The following NCAM1 variants were observed in gnomAD, a reference collection of about 807,000 sequenced individuals.
NCAM1 encodes the protein neural cell adhesion molecule 1.
NCAM1 carries 14 observed loss-of-function variants against 109.8 expected under a neutral mutation model. The ratio of observed to expected loss-of-function variants is 0.13; its 90% CI spans 0.08 to 0.20. The LOEUF (loss-of-function observed/expected upper bound fraction) is 0.20. NCAM1 is among the 10% of genes least tolerant of loss of function. The probability of loss-of-function intolerance (pLI) is 1.00; values close to 1 mark genes in which losing one functional copy is unlikely to be tolerated. For synonymous variants in NCAM1, 418 were observed against 442.9 expected, an observed-to-expected ratio of 0.94 and a Z score of 0.70; for missense variants, 774 against 1,109.9, an observed-to-expected ratio of 0.70 and a Z score of 4.30.
At position 113,015,343 on chromosome 11, in the gene NCAM1, C is replaced by CT. The variant is rs1307993667; in HGVS notation, c.52+53682dup. ...CCAAGGCAGCTTCCTTCAGCAAGAG[C>CT]TTTGGACATAGACCTGATTGACACA... On this transcript the variant is annotated intron_variant, in intron 1 of 19. Transcript: ENST00000316851. Among the ~76,000 whole-genome samples, 3 of 152,306 alleles carry CT rather than the reference C, an allele frequency of 2.0e-5. No individual in the cohort carries two copies. The East Asian group carries it at 5.8e-4, about 29-fold the overall frequency.
In NCAM1 at chr11:113,240,542, G is replaced by A. The variant is rs576873929; in HGVS notation, c.1825+5378G>A. ...GTTTGAGGCTTGTGCAGCTGTTCCT[G>A]GCCCAGACTTTACCTGAACTGCAGG... On this transcript the variant is annotated intron_variant, in intron 14 of 19. Transcript: ENST00000316851. The A allele has an allele frequency of 5.8e-4, 309 of 528,218 alleles. 3 individuals carry two copies. The South Asian group carries it at 8.4e-3, about 14-fold the overall frequency. The allele number at this position is 528,218 out of a possible 1,614,324, so 32.7% of individuals were successfully genotyped here.
At chr11:113,123,475 C>G (rs782796563) in intron 1 of NCAM1, among the ~76,000 whole-genome samples, 1 of 152,196 alleles carries the variant, frequency 6.6e-6, no homozygotes, top group Non-Finnish European at 1.5e-5. Context: ...CACTCTTACT[C>G]TGTTCTTCTT....
At chr11:113,110,867 T>G (rs921018823) in intron 1 of NCAM1, among the ~76,000 whole-genome samples, 1 of 152,132 alleles carries the variant, frequency 6.6e-6, no homozygotes, top group Non-Finnish European at 1.5e-5. Context: ...TTGGGATACC[T>G]CCCAAAGCCT....
At position 113,255,897 on chromosome 11, in the gene NCAM1, C is replaced by A; in HGVS notation, c.1849C>A (p.Leu617Ile). ...PVQGEPSAPK[L>I]EGQMGEDGNS... ...TTCAGGGGAACCCAGTGCACCTAAGCTCGAAGGGCAGATGGGAGAGGATGG... is the reference window on the plus strand; with the variant it reads ...TTCAGGGGAACCCAGTGCACCTAAGATCGAAGGGCAGATGGGAGAGGATGG... Residue 617 changes from leucine (L) to isoleucine (I), a missense_variant, in exon 16 of 20, where the codon CTC becomes ATC. Physicochemically the swap from Leu to Ile is conservative, Grantham distance 5 (BLOSUM62 2). Coordinates refer to ENST00000316851, the MANE Select transcript of NCAM1 (RefSeq NM_181351.5). 6.2e-7 allele frequency: 1 copy of A among 1,612,548 alleles called. No homozygotes were observed. The highest frequency in any genetic ancestry group is 8.5e-7 in the Non-Finnish European group (1 of 1,179,474).
At chr11:113,253,552 C>T (rs1248613462) in intron 15 of NCAM1, among the ~76,000 whole-genome samples, 1 of 152,140 alleles carries the variant, frequency 6.6e-6, no homozygotes, top group Non-Finnish European at 1.5e-5. Context: ...AACAGACCCC[C>T]CATGATGCGG....
At chr11:113,123,488 C>T (rs1440957015) in intron 1 of NCAM1, among the ~76,000 whole-genome samples, 1 of 152,180 alleles carries the variant, frequency 6.6e-6, no homozygotes, top group African/African-American at 2.4e-5. Flanking sequence ...TTCTTCTTCT[C>T]ATTCTCCTTC....
At position 113,225,689 on chromosome 11, in the gene NCAM1, C is replaced by T. The variant is rs567360745; in HGVS notation, c.1089+4364C>T. Among the ~76,000 whole-genome samples the T allele has an allele frequency of 4.6e-5, 7 of 152,304 alleles. No homozygotes were observed. In the East Asian group the frequency reaches 9.6e-4, roughly 21 times the overall value. ...GTTAAGGGCAGCCAGAGACAAAGGT[C>T]GGGTTACCCACAAAGGGAAGCCCAT... is the stretch of plus-strand genomic sequence containing the variant. On this transcript the variant is annotated intron_variant, in intron 9 of 19. Transcript: ENST00000316851.
chr11:112,975,396 G>A (rs1555067495), intron 1 of NCAM1, among the ~76,000 whole-genome samples: 1 of 151,976 alleles, frequency 6.6e-6, no homozygotes, highest in Non-Finnish European at 1.5e-5. Context: ...GGAGGTGAAA[G>A]ATGAATACCA....
Position 113,202,414 on chromosome 11 carries a change from G to C in NCAM1, c.88G>C (p.Glu30Gln). 1.2e-6 allele frequency: 2 copies of C among 1,613,454 alleles called. No individual in the cohort carries two copies. Among genetic ancestry groups the C allele is most frequent in the East Asian group, 2.2e-5 (1 of 44,868 alleles). Residue 30 changes from glutamate to glutamine, a missense_variant, in exon 2 of 20, where the codon GAG becomes CAG. By Grantham distance (29) the Glu-to-Gln change is conservative. Around this residue, in one of 4 missense-constraint regions of NCAM1, gnomAD observed 112 missense variants for 142.0 expected, o/e 0.79. Transcript: ENST00000316851. ...GGTGGATATTGTTCCCAGCCAGGGG[G>C]AGATCAGCGTTGGAGAGTCCAAATT... ...LQVDIVPSQG[E>Q]ISVGESKFFL...
Position 112,993,173 on chromosome 11 carries a change from A to G in NCAM1, c.52+31509A>G, listed in dbSNP as rs183437941. ...TAAGGAAAAGAGGTTTAATTGGCTC[A>G]TGGTTCTGCAGGCTTTACAGGAAGC... On this transcript the variant is annotated intron_variant, in intron 1 of 19. Coordinates refer to ENST00000316851, the MANE Select transcript of NCAM1 (RefSeq NM_181351.5). Among the ~76,000 whole-genome samples, 270 of 152,324 alleles carry G rather than the reference A, an allele frequency of 1.8e-3. 1 individual carries two copies. The highest frequency in any genetic ancestry group is 6.3e-3 in the African/African-American group (261 of 41,580).
At chr11:113,230,083 TAAAAAAAAAAA>T in intron 9 of NCAM1, among the ~76,000 whole-genome samples, 1 of 144,696 alleles carries the variant, frequency 6.9e-6, no homozygotes, top group East Asian at 2.0e-4. Flanking sequence ...AAAGTATAAT[TAAAAAAAAAAA>T]GAAAAAGAAA....
At chr11:113,156,349 A>G (rs1168208855) in intron 1 of NCAM1, among the ~76,000 whole-genome samples, 3 of 152,214 alleles carry the variant, frequency 2.0e-5, no homozygotes, top group Non-Finnish European at 4.4e-5. Flanking sequence ...TACAAAACAT[A>G]GATGAAAATT....
At chr11:113,020,073 GTC>G (rs1555075959) in intron 1 of NCAM1, among the ~76,000 whole-genome samples, 3 of 152,152 alleles carry the variant, frequency 2.0e-5, no homozygotes, top group African/African-American at 7.2e-5. Flanking sequence ...GATCCTCCAA[GTC>G]CTTTGGGAGA....
At chr11:112,999,991 A>C (rs1307476704) in intron 1 of NCAM1, among the ~76,000 whole-genome samples, 19 of 152,206 alleles carry the variant, frequency 1.2e-4, no homozygotes, top group African/African-American at 4.3e-4. Flanking sequence ...TTATAAAATA[A>C]ATTCAAATTA....
At chr11:113,107,156 T>C (rs1362920652) in intron 1 of NCAM1, among the ~76,000 whole-genome samples, 2 of 152,142 alleles carry the variant, frequency 1.3e-5, no homozygotes, top group African/African-American at 4.8e-5. Flanking sequence ...TGGGAGAGTG[T>C]GGTTATATGG....
intron 15 of NCAM1, among the ~76,000 whole-genome samples, chr11:113,249,152 G>A (rs934519400): frequency 3.9e-5 from 6 of 152,144 alleles, no homozygotes; most frequent in South Asian, 2.1e-4. Flanking sequence ...ACTAGGAAAC[G>A]CTGATTCTGA....
At chr11:113,062,774 C>A (rs117764440) in intron 1 of NCAM1, among the ~76,000 whole-genome samples, 1,606 of 152,200 alleles carry the variant, frequency 0.011, 9 homozygotes, top group Non-Finnish European at 0.016. Context: ...GAGTTCGAGA[C>A]CAGTCTGGGC....
At chr11:113,269,132 G>T (rs186240742) in intron 17 of NCAM1, among the ~76,000 whole-genome samples, 99 of 152,228 alleles carry the variant, frequency 6.5e-4, no homozygotes, top group South Asian at 1.9e-3. Context: ...CCCAGACACT[G>T]ATGGGAACCA....
chr11:113,125,943 G>T (rs1555096997), intron 1 of NCAM1, among the ~76,000 whole-genome samples: 2 of 151,868 alleles, frequency 1.3e-5, no homozygotes, highest in Non-Finnish European at 1.5e-5. Flanking sequence ...ATCACTTAAG[G>T]TCAGGAGTTC....
Sources: gnomAD v4.1 joint callset for allele counts (sites outside exome capture counted in the v4.1 genomes callset) on GRCh38, gnomAD v4.1.1 for gene constraint, gnomAD v4.1.1 regional missense constraint, MANE v1.5 for transcripts, NCBI Gene and HGNC (gene_info 2026-07-23, HGNC 2026-07-21) for gene names.